The following UBL3 variants were observed in gnomAD, a reference collection of about 807,000 sequenced individuals.
UBL3 encodes the protein ubiquitin like 3, also known as ubiquitin-like protein 3.
UBL3 carries 6 observed loss-of-function variants against 18.4 expected under a neutral mutation model. That is an observed-to-expected ratio of 0.33 (90% CI 0.18 to 0.64). The LOEUF is 0.64. UBL3 is among the 30% of genes least tolerant of loss of function. The pLI is 0.76. For missense variants in UBL3, 109 were observed against 142.9 expected (o/e 0.76, Z 1.21); for synonymous variants, 49 against 46.6 (o/e 1.05, Z -0.21).
At chr13:29,801,832 G>A (rs1005540344) in intron 1 of UBL3, among the ~76,000 whole-genome samples, 1 of 152,138 alleles carries the variant, frequency 6.6e-6, no homozygotes, top group Non-Finnish European at 1.5e-5. Context: ...ACCCCAGGCC[G>A]AACACACTGA....
At chr13:29,807,896 C>A (rs1475183203) in intron 1 of UBL3, among the ~76,000 whole-genome samples, 1 of 152,140 alleles carries the variant, frequency 6.6e-6, no homozygotes, top group Non-Finnish European at 1.5e-5. Context: ...ATATTTCCTT[C>A]ATTTTTCAAA....
chr13:29,813,089 T>A (rs1352792606), intron 1 of UBL3, among the ~76,000 whole-genome samples: 2 of 152,040 alleles, frequency 1.3e-5, no homozygotes, highest in African/African-American at 4.8e-5. Flanking sequence ...AGTCAATGTC[T>A]CCTTTATAAG....
At chr13:29,847,754 C>T (rs1241549943) in intron 1 of UBL3, among the ~76,000 whole-genome samples, 1 of 152,062 alleles carries the variant, frequency 6.6e-6, no homozygotes, top group Non-Finnish European at 1.5e-5. Flanking sequence ...TTGCTCGAGG[C>T]GATGAACCCA....
chr13:29,798,878 G>A (rs1877684573), intron 1 of UBL3, among the ~76,000 whole-genome samples: 1 of 152,162 alleles, frequency 6.6e-6, no homozygotes, highest in Non-Finnish European at 1.5e-5. Context: ...AGTATGTGTT[G>A]CCTGCTTACC....
chr13:29,811,585 T>C (rs1282420022), intron 1 of UBL3, among the ~76,000 whole-genome samples: 1 of 152,094 alleles, frequency 6.6e-6, no homozygotes, highest in Non-Finnish European at 1.5e-5. Context: ...ATGCCCTCCA[T>C]GCCATTCCTC....
At chr13:29,790,115 C>T (rs1410345276) in intron 1 of UBL3, among the ~76,000 whole-genome samples, 1 of 152,136 alleles carries the variant, frequency 6.6e-6, no homozygotes, top group Non-Finnish European at 1.5e-5. Flanking sequence ...GAAAAGGAAA[C>T]TAATGGTCCT....
chr13:29,807,049 G>T (rs968638855), intron 1 of UBL3, among the ~76,000 whole-genome samples: 2 of 152,100 alleles, frequency 1.3e-5, no homozygotes, highest in African/African-American at 4.8e-5. Flanking sequence ...AAAGAGTAAT[G>T]ATACCAAAAA....
At chr13:29,835,125 AATATATATATATAT>A (rs59643985) in intron 1 of UBL3, among the ~76,000 whole-genome samples, 52 of 23,404 alleles carry the variant, frequency 2.2e-3, no homozygotes, top group East Asian at 4.9e-3. Context: ...TATATATATA[AATATATATATATAT>A]ATATATATAT....
At chr13:29,821,458 C>T (rs1878441668) in intron 1 of UBL3, among the ~76,000 whole-genome samples, 1 of 152,070 alleles carries the variant, frequency 6.6e-6, no homozygotes, top group Admixed American at 6.6e-5. Context: ...GCTCAGGAAG[C>T]CAGATGTAAT....
At chr13:29,785,891 C>A (rs1283270520) in intron 1 of UBL3, among the ~76,000 whole-genome samples, 1 of 152,068 alleles carries the variant, frequency 6.6e-6, no homozygotes, top group Non-Finnish European at 1.5e-5. Context: ...TAAATATTTG[C>A]TGGACGAATT....
intron 1 of UBL3, among the ~76,000 whole-genome samples, chr13:29,833,392 T>A (rs1878833565): frequency 6.6e-6 from 1 of 150,770 alleles, no homozygotes; most frequent in Non-Finnish European, 1.5e-5. Context: ...CACCCAAAAA[T>A]GTTTGCTGCC....
At chr13:29,843,217 G>A (rs1387746344) in intron 1 of UBL3, among the ~76,000 whole-genome samples, 4 of 152,094 alleles carry the variant, frequency 2.6e-5, no homozygotes, top group African/African-American at 9.7e-5. Flanking sequence ...TATAGTATAT[G>A]TGTTTTCATT....
rs186098573 is a variant in UBL3 at position 29,831,125 on chromosome 13, C to T, written c.27+18387G>A. 4.6e-3 allele frequency among the ~76,000 whole-genome samples: 693 copies of T among 152,172 alleles called. 3 individuals are homozygous for T. Among genetic ancestry groups the T allele is most frequent in the Middle Eastern group, 0.01 (3 of 294 alleles). On this transcript the variant is annotated intron_variant, in intron 1 of 4. Transcript: ENST00000380680. ...TTGTGCCTTCAGGGTATCCTCCCTCCCTCCCTTGGTGACTCATCTAATCTC... is the reference window on the plus strand; with the variant it reads ...TTGTGCCTTCAGGGTATCCTCCCTCTCTCCCTTGGTGACTCATCTAATCTC...
chr13:29,821,655 G>A (rs760724269), intron 1 of UBL3, among the ~76,000 whole-genome samples: 20 of 152,090 alleles, frequency 1.3e-4, no homozygotes, highest in African/African-American at 2.9e-4. Flanking sequence ...CATTACATAC[G>A]TACTCCACAG....
intron 1 of UBL3, among the ~76,000 whole-genome samples, chr13:29,844,378 A>C (rs1020414083): frequency 1.3e-5 from 2 of 152,206 alleles, no homozygotes; most frequent in African/African-American, 2.4e-5. Context: ...AAGCTTCACA[A>C]TCTATATTAG....
At chr13:29,836,380 A>T (rs1048378481) in intron 1 of UBL3, among the ~76,000 whole-genome samples, 1 of 149,576 alleles carries the variant, frequency 6.7e-6, no homozygotes, top group Non-Finnish European at 1.5e-5. Context: ...ATAAATAAAT[A>T]AAATAAAACC....
chr13:29,767,464 A>G (rs1876720690), intron 4 of UBL3, among the ~76,000 whole-genome samples, 154 bp downstream of exon 4: 2 of 152,136 alleles, frequency 1.3e-5, no homozygotes, highest in Non-Finnish European at 2.9e-5. Flanking sequence ...TTTTAATTTT[A>G]GCATGTTTCA....
rs386378666 is a variant in UBL3 at position 29,780,424 on chromosome 13, T to TTA, written c.28-3163_28-3162dup. Among the ~76,000 whole-genome samples, 964 of 125,132 alleles carry TTA rather than the reference T, an allele frequency of 7.7e-3. 8 individuals are homozygous for TTA. The highest frequency in any genetic ancestry group is 0.021 in the African/African-American group (773 of 36,144). The allele number at this position is 125,132 out of a possible 152,430, so 82.1% of individuals were successfully genotyped here. On this transcript the variant is annotated intron_variant, in intron 1 of 4. Coordinates refer to ENST00000380680, the MANE Select transcript of UBL3 (RefSeq NM_007106.4). ...TGTGTGTGTATATATATATAATAAGTTATATATATATATATAGCAAATAAG... is the reference window on the plus strand; with the variant it reads ...TGTGTGTGTATATATATATAATAAGTTATATATATATATATATAGCAAATAAG...
chr13:29,841,522 T>C (rs1162527329), intron 1 of UBL3, among the ~76,000 whole-genome samples: 1 of 152,190 alleles, frequency 6.6e-6, no homozygotes, highest in Non-Finnish European at 1.5e-5. Context: ...TTAATTAAAA[T>C]CATTCCAATC....
Sources: gnomAD v4.1 joint callset for allele counts (sites outside exome capture counted in the v4.1 genomes callset) on GRCh38, gnomAD v4.1.1 for gene constraint, MANE v1.5 for transcripts, NCBI Gene and HGNC (gene_info 2026-07-23, HGNC 2026-07-21) for gene names.